The following UVSSA variants were observed in gnomAD, a reference collection of about 807,000 sequenced individuals.
UVSSA encodes the protein UV-stimulated scaffold protein A.
A neutral mutation model predicts 73.9 loss-of-function variants in UVSSA; 72 were observed. The ratio of observed to expected loss-of-function variants is 0.97; its 90% CI spans 0.81 to 1.19. UVSSA has a LOEUF of 1.19. UVSSA is among the 50% of genes most tolerant of loss of function. The pLI is 0.00. For missense variants in UVSSA, 1,150 were observed against 965.0 expected, an observed-to-expected ratio of 1.19 and a Z score of -2.54; for synonymous variants, 454 against 391.3, an observed-to-expected ratio of 1.16 and a Z score of -1.89.
chr4:1,345,583 T>C (rs1383351774), upstream of UVSSA, among the ~76,000 whole-genome samples: 1 of 136,888 alleles, frequency 7.3e-6, no homozygotes, highest in Non-Finnish European at 1.5e-5. Context: ...AGGCGGAGGC[T>C]GCAGTGAACC....
At chr4:1,382,796 TGCCCCCGTGGCCTGGTC>T (rs1056158320) in intron 12 of UVSSA, among the ~76,000 whole-genome samples, 6 of 152,208 alleles carry the variant, frequency 3.9e-5, no homozygotes, top group Admixed American at 1.3e-4. Context: ...TCCGGGGATG[TGCCCCCGTGGCCTGGTC>T]GCCCCCGTGG....
intron 12 of UVSSA, 88 bp from the exon 13 acceptor site, chr4:1,383,678 C>A (rs755433112): frequency 6.5e-7 from 1 of 1,543,730 alleles, no homozygotes; most frequent in African/African-American, 1.4e-5. Flanking sequence ...CCTGTCAGGA[C>A]GAGACCAAGA....
chr4:1,376,089 G>T lies in UVSSA; in HGVS notation c.1489G>T (p.Ala497Ser). The T allele has an allele frequency of 1.9e-6, 3 of 1,603,184 alleles. No individual in the cohort carries two copies. The highest frequency in any genetic ancestry group is 1.7e-6 in the Non-Finnish European group (2 of 1,175,488). ...GGCCCAGAAGCTGGCAGCAGAGCGG[G>T]CCCGGGCGCCTGTGGTGCCCTACGG... ...QEAQKLAAER[A>S]RAPVVPYGVD... Residue 497 changes from alanine (A) to serine (S), a missense_variant, in exon 10 of 14, where the codon GCC becomes TCC. Ala to Ser is a moderately conservative substitution (Grantham distance 99, BLOSUM62 1). Transcript: ENST00000389851.
At chr4:1,349,038 G>T (rs1361818307) in intron 2 of UVSSA, among the ~76,000 whole-genome samples, 17 of 139,768 alleles carry the variant, frequency 1.2e-4, no homozygotes, top group Admixed American at 2.1e-4. Context: ...GCCAGGCGGT[G>T]TGTGTTTGTG....
rs1717314606 is a variant in UVSSA at position 1,366,294 on chromosome 4, A to G, written c.1177-26A>G. 1.9e-6 allele frequency: 3 copies of G among 1,574,490 alleles called. No individual in the cohort carries two copies. The African/African-American group carries it at 4.1e-5, about 21-fold the overall frequency. On this transcript the variant is annotated intron_variant, in intron 7 of 13. Transcript: ENST00000389851. ...GTTCATACACAGGGTCTGGGGGTTG[A>G]TTTGTATTGGGGTGTTTTTCCACAG...
chr4:1,379,114 G>C (rs1257900945), intron 10 of UVSSA, among the ~76,000 whole-genome samples: 1 of 152,126 alleles, frequency 6.6e-6, no homozygotes, highest in Non-Finnish European at 1.5e-5. Context: ...GCATCCTCAG[G>C]CACAGGGTGT....
chr4:1,355,763 G>C lies in UVSSA; in HGVS notation c.1176+518G>C, dbSNP rs115527947. 5.7e-3 allele frequency among the ~76,000 whole-genome samples: 871 copies of C among 152,298 alleles called. 6 individuals carry two copies. Among genetic ancestry groups the C allele is most frequent in the African/African-American group, 0.02 (831 of 41,564 alleles). On this transcript the variant is annotated intron_variant, in intron 7 of 13. Coordinates refer to ENST00000389851, the MANE Select transcript of UVSSA (RefSeq NM_020894.4). The stretch of plus-strand genomic sequence containing the variant: ...CTGCACTTCCCTGAGCAGGGAGCAC[G>C]GGGTTAGAAGGGGCAGGGCTGCCGC...
rs1215157032 is a variant in UVSSA at position 1,354,738 on chromosome 4, G to T, written c.938G>T (p.Gly313Val). 5 of 1,613,216 alleles carry T rather than the reference G, an allele frequency of 3.1e-6. No individual in the cohort carries two copies. Among genetic ancestry groups the T allele is most frequent in the Non-Finnish European group, 4.2e-6 (5 of 1,179,762 alleles). ...YTLDVELCSE[G>V]LKVQENEDNL... ...ACCTCTGTGTGCTTCTCCCCAGAGG[G>T]CCTGAAGGTGCAGGAGAACGAGGAC... Residue 313 changes from glycine to valine, a missense_variant, in exon 6 of 14, where the codon GGC (glycine) becomes GTC (valine). Physicochemically the swap from Gly to Val is moderately radical, Grantham distance 109. Coordinates refer to ENST00000389851, the MANE Select transcript of UVSSA (RefSeq NM_020894.4).
intron 13 of UVSSA, chr4:1,384,564 T>A (rs959125376): frequency 2.6e-5 from 4 of 152,460 alleles, no homozygotes; most frequent in African/African-American, 9.6e-5. Flanking sequence ...CGCACGGCCT[T>A]GTGTTTCTGT....
chr4:1,350,329 C>T (rs936445260), intron 3 of UVSSA, among the ~76,000 whole-genome samples: 2 of 152,108 alleles, frequency 1.3e-5, no homozygotes, highest in Non-Finnish European at 2.9e-5. Flanking sequence ...AGCCTCATTG[C>T]CCAGACCCTA....
At chr4:1,343,334 T>C (rs952282224), upstream of UVSSA, among the ~76,000 whole-genome samples, 8 of 152,260 alleles carry the variant, frequency 5.3e-5, no homozygotes, top group East Asian at 1.5e-3. Flanking sequence ...GAGGGCTCTA[T>C]CCCTAGAATC....
chr4:1,381,827 C>T (rs1269001586), intron 12 of UVSSA, among the ~76,000 whole-genome samples: 1 of 152,066 alleles, frequency 6.6e-6, no homozygotes, highest in Admixed American at 6.6e-5. Flanking sequence ...CCACCATGCC[C>T]GACTAATTTT....
chr4:1,381,190 T>C (rs57644872), intron 12 of UVSSA, among the ~76,000 whole-genome samples: 7,436 of 152,218 alleles, frequency 0.049, 605 homozygotes, highest in African/African-American at 0.17. Flanking sequence ...CAGAGGATGC[T>C]CCAGCTTTAG....
chr4:1,367,047 C>A (rs1302777030), intron 8 of UVSSA, among the ~76,000 whole-genome samples: 1 of 152,222 alleles, frequency 6.6e-6, no homozygotes, highest in Non-Finnish European at 1.5e-5. Flanking sequence ...GGGTCACAAG[C>A]ACAGGCATCG....
chr4:1,357,180 G>A (rs1715904445), intron 7 of UVSSA, among the ~76,000 whole-genome samples: 1 of 148,250 alleles, frequency 6.7e-6, no homozygotes, highest in Non-Finnish European at 1.5e-5. Context: ...GAGCAGAGCG[G>A]GGCTGATGGG....
At chr4:1,365,835 T>C (rs1393704806) in intron 7 of UVSSA, among the ~76,000 whole-genome samples, 2 of 150,626 alleles carry the variant, frequency 1.3e-5, no homozygotes, top group African/African-American at 4.9e-5. Context: ...ACGCACCTGC[T>C]CCACCTGGTG....
At position 1,349,759 on chromosome 4, in the gene UVSSA, G is replaced by A. The variant is rs145739457; in HGVS notation, c.334G>A (p.Ala112Thr). The change falls in exon 3 of 14, where the codon GCG becomes ACG. Residue 112 changes from alanine to threonine, a missense_variant. Coordinates refer to ENST00000389851, the MANE Select transcript of UVSSA (RefSeq NM_020894.4). ...GGAGGCGGCACAGAGGCTGAGGCAG[G>A]CGACCACCCGGGCCGTGGAAGGGTG... ...PREAAQRLRQATTRAVEGWNE... is the reference protein window; with the variant it reads ...PREAAQRLRQTTTRAVEGWNE... 7.2e-5 allele frequency: 116 copies of A among 1,610,620 alleles called. No individual in the cohort carries two copies. The African/African-American group carries it at 1.5e-3, about 21-fold the overall frequency.
intron 8 of UVSSA, among the ~76,000 whole-genome samples, chr4:1,373,679 GTT>G: frequency 6.6e-6 from 1 of 152,112 alleles, no homozygotes; most frequent in Non-Finnish European, 1.5e-5. Flanking sequence ...TTCTTCAACT[GTT>G]TTCTGCACTC....
At chr4:1,375,274 G>A (rs529154815) in intron 8 of UVSSA, 90 bp from the exon 9 acceptor site, 13 of 1,565,906 alleles carry the variant, frequency 8.3e-6, no homozygotes, top group East Asian at 2.2e-5. Flanking sequence ...ACACGCTAAC[G>A]CATAGGCGCG....
Sources: allele counts gnomAD v4.1 joint callset (sites outside exome capture counted in the v4.1 genomes callset), GRCh38; gene constraint gnomAD v4.1.1; transcripts MANE v1.5; gene names NCBI Gene and HGNC (gene_info 2026-07-23, HGNC 2026-07-21).